The following ZRSR2 variants were observed in gnomAD, a reference collection of about 807,000 sequenced individuals.
ZRSR2 encodes zinc finger CCCH-type, RNA binding motif and serine/arginine rich 2.
A neutral mutation model predicts 39.4 loss-of-function variants in ZRSR2; 3 were observed. That is an observed-to-expected ratio of 0.08 (90% confidence interval 0.03 to 0.20). ZRSR2 has a LOEUF of 0.20. ZRSR2 is among the 10% of genes least tolerant of loss of function. The probability of loss-of-function intolerance (pLI) is 1.00; values close to 1 mark genes in which losing one functional copy is unlikely to be tolerated. For missense variants in ZRSR2, 256 were observed against 391.5 expected (o/e 0.65, Z 2.92); for synonymous variants, 137 against 136.0 (o/e 1.01, Z -0.05).
intron 5 of ZRSR2, among the ~76,000 whole-genome samples, chrX:15,805,228 C>A (rs932991884): frequency 8.9e-6 from 1 of 111,890 alleles, no homozygotes; most frequent in Admixed American, 9.6e-5. Context: ...TATTTGAGCA[C>A]TTCTTTCCAG....
chrX:15,820,359 G>A (rs760949804), intron 10 of ZRSR2, 43 bp downstream of exon 10: 6 of 1,099,076 alleles, frequency 5.5e-6, no homozygotes, highest in Non-Finnish European at 7.5e-6. Flanking sequence ...TTGTTCCACT[G>A]CTATATAAAG....
chrX:15,816,974 A>G (rs1189660800), intron 8 of ZRSR2, among the ~76,000 whole-genome samples: 2 of 111,852 alleles, frequency 1.8e-5, no homozygotes, highest in Non-Finnish European at 3.8e-5. Flanking sequence ...GCCTGGTCAC[A>G]GCCACACAAT....
chrX:15,799,373 T>C (rs1932589110), intron 2 of ZRSR2, among the ~76,000 whole-genome samples: 1 of 110,749 alleles, frequency 9.0e-6, no homozygotes, highest in African/African-American at 3.3e-5. Flanking sequence ...AAAGTGATGA[T>C]TTTTCTACTT....
chrX:15,799,988 G>A, intron 3 of ZRSR2, 35 bp downstream of exon 3: 1 of 1,013,245 alleles, frequency 9.9e-7, no homozygotes, highest in Non-Finnish European at 1.3e-6. Context: ...AGTGAATGAA[G>A]TTATTTTATT....
intron 4 of ZRSR2, 133 bp downstream of exon 4, chrX:15,803,929 G>A (rs1199709759): frequency 1.0e-6 from 1 of 966,246 alleles, no homozygotes; most frequent in Non-Finnish European, 1.4e-6. Flanking sequence ...GGCAGCAAGA[G>A]CGGAACTCCA....
At position 15,822,876 on chromosome X, in the gene ZRSR2, C is replaced by T. The variant is rs761922625; in HGVS notation, c.1083C>T (p.Ser361=). 1 of 1,212,192 alleles carries T rather than the reference C, an allele frequency of 8.2e-7. No individual in the cohort carries two copies. Among genetic ancestry groups the T allele is most frequent in the South Asian group, 1.8e-5 (1 of 57,022 alleles). Residue 361 remains serine (S), a synonymous_variant, in exon 11 of 11, where the codon TCC becomes TCT. Transcript: ENST00000307771. ...CTGGCTCCTCCTTTGGGAAGAACTC[C>T]GAAAGGAGGGAGAGGATGGGCCACC... ...DRTGSSFGKN[S]ERRERMGHHD... is the part of the protein sequence containing the mutation.
chrX:15,797,860 G>C (rs1274958622), intron 2 of ZRSR2, among the ~76,000 whole-genome samples: 1 of 111,514 alleles, frequency 9.0e-6, no homozygotes, highest in Non-Finnish European at 1.9e-5. Flanking sequence ...GAGTATATGA[G>C]CTTGGTTTCG....
chrX:15,816,038 C>T (rs1481801213), intron 8 of ZRSR2, 148 bp downstream of exon 8: 2 of 395,492 alleles, frequency 5.1e-6, no homozygotes, highest in Non-Finnish European at 8.6e-6. Context: ...CCACCCCCTA[C>T]CTTGTTGCCA....
chrX:15,820,830 A>C (rs1032417395), intron 10 of ZRSR2, among the ~76,000 whole-genome samples: 2 of 111,988 alleles, frequency 1.8e-5, no homozygotes, highest in Non-Finnish European at 3.8e-5. Flanking sequence ...GACTAATTGT[A>C]GGCTTGGGAT....
intron 2 of ZRSR2, among the ~76,000 whole-genome samples, chrX:15,795,880 T>G (rs933809126): frequency 8.9e-6 from 1 of 112,042 alleles, no homozygotes; most frequent in Non-Finnish European, 1.9e-5. Flanking sequence ...CCTAGCACTT[T>G]GGGAGGCCAA....
At position 15,822,901 on chromosome X, in the gene ZRSR2, C is replaced by G. The variant is rs1288739925; in HGVS notation, c.1108C>G (p.His370Asp). 8.2e-7 allele frequency: 1 copy of G among 1,212,238 alleles called. No homozygotes were observed. The highest frequency in any genetic ancestry group is 1.1e-6 in the Non-Finnish European group (1 of 895,642). Residue 370 changes from histidine to aspartate, a missense_variant, in exon 11 of 11, where the codon CAC (histidine) becomes GAC (aspartate). His to Asp is a moderately conservative substitution (Grantham distance 81, BLOSUM62 -1). This residue lies in a region of ZRSR2 where 111 missense variants were observed against 116.7 expected (regional missense o/e 0.95). Coordinates refer to ENST00000307771, the MANE Select transcript of ZRSR2 (RefSeq NM_005089.4). ...NSERRERMGHHDDYYSRLRGR... is the reference protein window; with the variant it reads ...NSERRERMGHDDDYYSRLRGR... ...CGAAAGGAGGGAGAGGATGGGCCAC[C>G]ACGACGACTACTACAGCAGGCTGCG...
At chrX:15,817,859 A>C (rs1454964816) in intron 8 of ZRSR2, among the ~76,000 whole-genome samples, 1 of 112,248 alleles carries the variant, frequency 8.9e-6, no homozygotes, top group Non-Finnish European at 1.9e-5. Context: ...TATCCAGTAT[A>C]CAGTAGTTAA....
Position 15,790,765 on chromosome X carries a change from G to A in ZRSR2, c.42-169G>A, listed in dbSNP as rs909725259. ...GGATGGAGAAGAACTGTCTGGGAGT[G>A]GGAGGATGAGGCGATGATAGATGGC... On this transcript the variant is annotated intron_variant, in intron 1 of 10. Transcript: ENST00000307771. 1.7e-4 allele frequency: 102 copies of A among 594,479 alleles called. 1 individual carries two copies. The highest frequency in any genetic ancestry group is 2.4e-4 in the Non-Finnish European group (89 of 375,290). 49.0% of individuals were successfully genotyped at this position (594,479 alleles called of 1,213,427 possible).
chrX:15,800,289 C>T (rs1237891797), intron 3 of ZRSR2, among the ~76,000 whole-genome samples: 1 of 104,645 alleles, frequency 9.6e-6, no homozygotes, highest in Non-Finnish European at 1.9e-5. Flanking sequence ...CGGGTTCAAG[C>T]GATTCTCCTG....
At chrX:15,791,087 G>C in intron 2 of ZRSR2, 74 bp downstream of exon 2, 1 of 949,285 alleles carries the variant, frequency 1.1e-6, no homozygotes, top group Non-Finnish European at 1.5e-6. Context: ...TGAAGCCCCA[G>C]TGTCAGAAGG....
intron 2 of ZRSR2, 147 bp downstream of exon 2, chrX:15,791,160 A>G: frequency 2.0e-6 from 1 of 493,428 alleles, no homozygotes; most frequent in African/African-American, 2.4e-5. Context: ...GTTATTTAGA[A>G]ACACATGTCA....
At chrX:15,809,064 C>A in intron 6 of ZRSR2, 136 bp from the exon 7 acceptor site, 1 of 520,011 alleles carries the variant, frequency 1.9e-6, no homozygotes. Context: ...GTCTTGATTG[C>A]CTGTTCCAAC....
Position 15,795,087 on chromosome X carries a change from TTC to T in ZRSR2, c.121+4075_121+4076del, listed in dbSNP as rs1491148949. 7.2e-3 allele frequency among the ~76,000 whole-genome samples: 405 copies of T among 56,217 alleles called. 4 individuals are homozygous for T. The highest frequency in any genetic ancestry group is 0.059 in the East Asian group (49 of 831). The allele number at this position is 56,217 out of a possible 115,157, so 48.8% of individuals were successfully genotyped here. ...CCTTCACCCCGACCCCCCTGCACTT[TTC>T]CCCCCCCCCCATATTTACAATCTCT... On this transcript the variant is annotated intron_variant, in intron 2 of 10. Coordinates refer to ENST00000307771, the MANE Select transcript of ZRSR2 (RefSeq NM_005089.4).
chrX:15,799,097 A>G (rs1932575396), intron 2 of ZRSR2, among the ~76,000 whole-genome samples: 1 of 108,343 alleles, frequency 9.2e-6, no homozygotes, highest in Non-Finnish European at 1.9e-5. Flanking sequence ...GAGGCAGGAG[A>G]ATCGCTTGAA....
Sources: allele counts gnomAD v4.1 joint callset (sites outside exome capture counted in the v4.1 genomes callset), GRCh38; gene constraint gnomAD v4.1.1; regional missense constraint gnomAD v4.1.1; transcripts MANE v1.5; gene names NCBI Gene and HGNC (gene_info 2026-07-23, HGNC 2026-07-21).